The following NOP2 variants were observed in gnomAD, a reference collection of about 807,000 sequenced individuals.
NOP2 encodes 28S rRNA (cytosine(4447)-C(5))-methyltransferase.
A neutral mutation model predicts 72.7 loss-of-function variants in NOP2; 7 were observed. The observed-to-expected ratio is 0.10, with a 90% CI of 0.05 to 0.18. The LOEUF is 0.18. NOP2 is among the 10% of genes least tolerant of loss of function. NOP2 has a pLI of 1.00. For synonymous variants in NOP2, 387 were observed against 388.0 expected, an observed-to-expected ratio of 1.00 and a Z score of 0.03; for missense variants, 954 against 1,014.7, an observed-to-expected ratio of 0.94 and a Z score of 0.81.
Position 6,566,564 on chromosome 12 carries a change from G to A in NOP2, c.203C>T (p.Pro68Leu). Residue 68 changes from proline (P) to leucine (L), a missense_variant, in exon 4 of 16, where the codon CCT (proline) becomes CTT (leucine). Transcript: ENST00000322166. ...CTTTCCAGGCAATGGTTTGGCCTCAGGAGACTTATTTGTCTTAGGGGCTTC... is the reference window on the plus strand; with the variant it reads ...CTTTCCAGGCAATGGTTTGGCCTCAAGAGACTTATTTGTCTTAGGGGCTTC... Reference protein sequence around the residue: ...SVEAPKTNKSPEAKPLPGKLP... With the variant: ...SVEAPKTNKSLEAKPLPGKLP... 1 of 1,613,972 alleles carries A rather than the reference G, an allele frequency of 6.2e-7. No homozygotes were observed. Among genetic ancestry groups the A allele is most frequent in the Non-Finnish European group, 8.5e-7 (1 of 1,179,896 alleles).
At chr12:6,558,023 C>A (rs749830465) in intron 15 of NOP2, 10 of 344,096 alleles carry the variant, frequency 2.9e-5, no homozygotes, top group African/African-American at 4.5e-5. Flanking sequence ...CACCTGTAAT[C>A]CTAGCTACTT....
chr12:6,560,706 T>C lies in NOP2; in HGVS notation c.1429A>G (p.Thr477Ala). Reference sequence around the variant, plus strand: ...ACCACCTGACTCCTCACCTTGTTAGTCTTCACGGCTGGATCCTTGGAGATG... The same window carrying C: ...ACCACCTGACTCCTCACCTTGTTAGCCTTCACGGCTGGATCCTTGGAGATG... ...GVISKDPAVK[T>A]NKDEKDILRC... Residue 477 changes from threonine (T) to alanine (A), a missense_variant, in exon 13 of 16, where the codon ACT (threonine) becomes GCT (alanine). Thr to Ala is a moderately conservative substitution (Grantham distance 58). Coordinates refer to ENST00000322166, the MANE Select transcript of NOP2 (RefSeq NM_001258308.2). This position sits in a 1 kb window ranked among gnomAD's most constrained non-coding sequence, Gnocchi z 5.0. 6.2e-7 allele frequency: 1 copy of C among 1,613,344 alleles called. No individual in the cohort carries two copies. The highest frequency in any genetic ancestry group is 8.5e-7 in the Non-Finnish European group (1 of 1,179,660).
chr12:6,563,668 T>A lies in NOP2; in HGVS notation c.634A>T (p.Ile212Phe). ...KVEEADGGLQ[I>F]NVDEEPFVLP... ...ACAAATGGTTCCTCATCCACATTGA[T>A]CTGCAGGCCCCCATCTGCCTCTTCC... The change falls in exon 7 of 16, where the codon ATC becomes TTC. Residue 212 changes from isoleucine (I) to phenylalanine (F), a missense_variant. By Grantham distance (21) the Ile-to-Phe change is conservative. This residue lies in a region of NOP2 where 498 missense variants were observed against 478.3 expected (regional missense o/e 1.04). Coordinates refer to ENST00000322166, the MANE Select transcript of NOP2 (RefSeq NM_001258308.2). 9.9e-6 allele frequency: 16 copies of A among 1,613,734 alleles called. No individual in the cohort carries two copies. Among genetic ancestry groups the A allele is most frequent in the Non-Finnish European group, 1.4e-5 (16 of 1,179,750 alleles).
rs1947491695 is a variant in NOP2 at position 6,556,971 on chromosome 12, C to T, written c.*22G>A. On this transcript the variant is annotated 3_prime_UTR_variant, in exon 16 of 16. Transcript: ENST00000322166. Reference sequence around the variant, plus strand: ...CAACCTGGTGACAATGGCAGTGAGCCACCCGTCTAGTTTTCAACCATCTAA... The same window carrying T: ...CAACCTGGTGACAATGGCAGTGAGCTACCCGTCTAGTTTTCAACCATCTAA... 1 of 1,612,932 alleles carries T rather than the reference C, an allele frequency of 6.2e-7. No individual in the cohort carries two copies. Among genetic ancestry groups the T allele is most frequent in the South Asian group, 1.1e-5 (1 of 91,030 alleles).
intron 5 of NOP2, 74 bp from the exon 6 acceptor site, chr12:6,564,020 T>C: frequency 6.4e-7 from 1 of 1,557,644 alleles, no homozygotes; most frequent in Non-Finnish European, 8.7e-7. Flanking sequence ...TCTCTATATC[T>C]TATTTTTTCG....
intron 2 of NOP2, 174 bp downstream of exon 2, chr12:6,567,637 TCTCTA>T: frequency 1.9e-6 from 1 of 534,294 alleles, no homozygotes; most frequent in Non-Finnish European, 3.3e-6. Flanking sequence ...TGTCTTCACA[TCTCTA>T]CGACCTAAAC....
rs769711212 is a variant in NOP2, at chr12:6,566,854, G to T, written c.104-32C>A. On this transcript the variant is annotated intron_variant, in intron 2 of 15. Coordinates refer to ENST00000322166, the MANE Select transcript of NOP2 (RefSeq NM_001258308.2). ...AAAAAAGAAAAACGAGGCAGAACAA[G>T]TTACAGGGGACATTAAAAATAAATG... 74 of 1,576,612 alleles carry T rather than the reference G, an allele frequency of 4.7e-5. No individual in the cohort carries two copies. The South Asian group carries it at 7.9e-4, about 17-fold the overall frequency.
At chr12:6,562,983 TA>T in intron 9 of NOP2, 97 bp downstream of exon 9, 1 of 1,233,736 alleles carries the variant, frequency 8.1e-7, no homozygotes, top group Non-Finnish European at 1.2e-6. Flanking sequence ...GCTTAGGTCC[TA>T]AGGCCCCACC....
chr12:6,557,060 C>G lies in NOP2; in HGVS notation c.2372G>C (p.Ser791Thr), dbSNP rs1473586095. 6.2e-7 allele frequency: 1 copy of G among 1,613,968 alleles called. No homozygotes were observed. The highest frequency in any genetic ancestry group is 2.2e-5 in the East Asian group (1 of 44,878). Reference protein sequence around the residue: ...QPPTVSPIRSSRPPPAKRKKS... With the variant: ...QPPTVSPIRSTRPPPAKRKKS... ...CTTCCTCTTTGCTGGTGGGGGGCGG[C>G]TGGAACGGATGGGAGACACAGTGGG... The change falls in exon 16 of 16, where the codon AGC becomes ACC. Residue 791 changes from serine to threonine, a missense_variant. This residue lies in a region of NOP2 where 269 missense variants were observed against 260.2 expected (regional missense o/e 1.03). Transcript: ENST00000322166.
At chr12:6,564,313 G>T (rs903930070) in intron 5 of NOP2, 1 of 213,844 alleles carries the variant, frequency 4.7e-6, no homozygotes, top group Non-Finnish European at 9.7e-6. Context: ...TAAATTAAAG[G>T]GTTCATTACA....
At chr12:6,564,001 G>C in intron 5 of NOP2, 55 bp from the exon 6 acceptor site, 1 of 1,585,644 alleles carries the variant, frequency 6.3e-7, no homozygotes, top group Non-Finnish European at 8.6e-7. Flanking sequence ...AGCCCTTGTA[G>C]CAGTTCTATC....
At position 6,563,676 on chromosome 12, in the gene NOP2, C is replaced by T. The variant is rs1402822986; in HGVS notation, c.626G>A (p.Gly209Asp). The change falls in exon 7 of 16, where the codon GGC becomes GAC. Residue 209 changes from glycine to aspartate, a missense_variant. Gly to Asp is a moderately conservative substitution (Grantham distance 94, BLOSUM62 -1). Coordinates refer to ENST00000322166, the MANE Select transcript of NOP2 (RefSeq NM_001258308.2). ...GPPKVEEADG[G>D]LQINVDEEPF... ...TTCCTCATCCACATTGATCTGCAGG[C>T]CCCCATCTGCCTCTTCCACCTTTGG... The T allele has an allele frequency of 6.2e-7, 1 of 1,613,546 alleles. No homozygotes were observed.
intron 5 of NOP2, 88 bp downstream of exon 5, chr12:6,566,013 C>T: frequency 8.7e-7 from 1 of 1,148,736 alleles, no homozygotes; most frequent in East Asian, 2.6e-5. Context: ...CAGGCTTATC[C>T]TTGCCACTAA....
intron 15 of NOP2, among the ~76,000 whole-genome samples, chr12:6,559,263 C>T (rs575979581): frequency 1.2e-3 from 180 of 152,286 alleles, no homozygotes; most frequent in African/African-American, 4.1e-3. Flanking sequence ...GGACTACAGG[C>T]GCCCACCACC....
Position 6,561,785 on chromosome 12 carries a change from C to A in NOP2, c.1086G>T (p.Leu362=). The change falls in exon 11 of 16, where the codon CTG becomes CTT. Residue 362 remains leucine (L), a synonymous_variant. Transcript: ENST00000322166. Reference sequence around the variant, plus strand: ...CTCCCTGCAGCATGTAGTGCCCAGCCAGGTACTCGGGGGTAGCACCTGTGG... The same window carrying A: ...CTCCCTGCAGCATGTAGTGCCCAGCAAGGTACTCGGGGGTAGCACCTGTGG... ...SVPIGATPEY[L]AGHYMLQGAS... The A allele has an allele frequency of 6.2e-7, 1 of 1,610,486 alleles. No homozygotes were observed. The highest frequency in any genetic ancestry group is 1.1e-5 in the South Asian group (1 of 90,452).
At chr12:6,567,286 T>G (rs1229083868) in intron 2 of NOP2, among the ~76,000 whole-genome samples, 2 of 152,216 alleles carry the variant, frequency 1.3e-5, no homozygotes, top group African/African-American at 4.8e-5. Context: ...ACAAGTTTAA[T>G]ACAGTGCCCA....
In NOP2 at chr12:6,568,028, C is replaced by T. The variant is rs1947831300; in HGVS notation, c.-4-106G>A. ...GGGAAAGGGCACAGCCTCAACTCAG[C>T]ACCCGCAACTCACTCAGCACTCCCG... On this transcript the variant is annotated intron_variant, in intron 1 of 15. Coordinates refer to ENST00000322166, the MANE Select transcript of NOP2 (RefSeq NM_001258308.2). 6.4e-6 allele frequency: 5 copies of T among 782,844 alleles called. No homozygotes were observed. In the South Asian group the frequency reaches 8.0e-5, roughly 13 times the overall value. The allele number at this position is 782,844 out of a possible 1,614,324, so 48.5% of individuals were successfully genotyped here. A position where few individuals can be genotyped will look rare whatever the true frequency, so the allele number is the denominator to read the frequency against.
Position 6,566,154 on chromosome 12 carries a change from C to T in NOP2, c.421G>A (p.Val141Ile), listed in dbSNP as rs1198611770. 2 of 1,613,858 alleles carry T rather than the reference C, an allele frequency of 1.2e-6. No homozygotes were observed. Among genetic ancestry groups the T allele is most frequent in the Non-Finnish European group, 1.7e-6 (2 of 1,179,876 alleles). Reference sequence around the variant, plus strand: ...TTGGAGTCAGCTCCATAGTCATCTACCGTATCAGCATCGTCCTCGGAGCCC... The same window carrying T: ...TTGGAGTCAGCTCCATAGTCATCTATCGTATCAGCATCGTCCTCGGAGCCC... ...LWGSEDDADT[V>I]DDYGADSNSE... The change falls in exon 5 of 16, where the codon GTA becomes ATA. Residue 141 changes from valine (V) to isoleucine (I), a missense_variant. Val to Ile is a conservative substitution (Grantham distance 29). Transcript: ENST00000322166.
Position 6,560,952 on chromosome 12 carries a change from A to G in NOP2, c.1326T>C (p.Tyr442=), listed in dbSNP as rs924224536. The G allele has an allele frequency of 1.9e-6, 3 of 1,613,946 alleles. No homozygotes were observed. The East Asian group carries it at 6.7e-5, about 36-fold the overall frequency. The change falls in exon 12 of 16, where the codon TAT becomes TAC. Residue 442 remains tyrosine, a synonymous_variant. Transcript: ENST00000322166. The surrounding 1 kb of genome is among the most constrained non-coding windows in gnomAD (Gnocchi z 5.0). ...TCACCTTGGGGAACTGGCGCCCATC[A>G]TAGTGGCTGATAATGGTGTTGGTGA... is the stretch of plus-strand genomic sequence containing the variant. ...LGVTNTIISH[Y]DGRQFPKVVG... is the part of the protein sequence containing the mutation.
Sources: allele counts gnomAD v4.1 joint callset (sites outside exome capture counted in the v4.1 genomes callset), GRCh38; gene constraint gnomAD v4.1.1; regional missense constraint gnomAD v4.1.1; non-coding constraint Gnocchi (gnomAD v3.1); transcripts MANE v1.5; gene names NCBI Gene and HGNC (gene_info 2026-07-23, HGNC 2026-07-21).